CCNH: variants seen among roughly 807,000 people sequenced by gnomAD.
CCNH encodes the protein cyclin H, also known as cyclin-H.
A neutral mutation model predicts 41.9 loss-of-function variants in CCNH; 31 were observed. The observed-to-expected ratio is 0.74, with a 90% CI of 0.56 to 1.00. The LOEUF (loss-of-function observed/expected upper bound fraction) is 1.00. Ranked by LOEUF, CCNH falls within the 50% of genes least tolerant of loss-of-function variation. CCNH has a pLI of 0.00. For missense variants in CCNH, 362 were observed against 388.4 expected (o/e 0.93, Z 0.57); for synonymous variants, 138 against 136.1 (o/e 1.01, Z -0.10).
chr5:87,337,373 C>T (rs1307997355), intron 9 of CCNH, among the ~76,000 whole-genome samples: 3 of 151,966 alleles, frequency 2.0e-5, no homozygotes, highest in Non-Finnish European at 4.4e-5. Flanking sequence ...TTGGTACCTA[C>T]CACTTTCAGA....
At chr5:87,325,475 G>A (rs1008741315) in intron 9 of CCNH, among the ~76,000 whole-genome samples, 3 of 152,316 alleles carry the variant, frequency 2.0e-5, no homozygotes, top group Admixed American at 2.0e-4. Flanking sequence ...AGACACAAGC[G>A]TGTGTAACAA....
At chr5:87,410,351 T>G (rs942034490) in intron 2 of CCNH, among the ~76,000 whole-genome samples, 2 of 152,128 alleles carry the variant, frequency 1.3e-5, no homozygotes, top group Non-Finnish European at 2.9e-5. Context: ...AATCTGAAGA[T>G]ATAAACTAAT....
At chr5:87,366,388 G>GA (rs751407670) in intron 9 of CCNH, 1 of 428,214 alleles carries the variant, frequency 2.3e-6, no homozygotes, top group South Asian at 1.7e-5. Flanking sequence ...ACAATCAAAA[G>GA]AAAGGTCCAC....
chr5:87,411,412 TTCTC>T, intron 1 of CCNH, 66 bp from the exon 2 acceptor site: 3 of 1,484,716 alleles, frequency 2.0e-6, no homozygotes, highest in Non-Finnish European at 2.7e-6. Context: ...TAAAACATTT[TTCTC>T]TATCTAGATT....
In CCNH at chr5:87,412,592, G is replaced by GA; in HGVS notation, c.117+85dup. 3 of 1,543,990 alleles carry GA rather than the reference G, an allele frequency of 1.9e-6. No individual in the cohort carries two copies. In the South Asian group the frequency reaches 3.6e-5, roughly 19 times the overall value. On this transcript the variant is annotated intron_variant, in intron 1 of 8. Transcript: ENST00000256897. ...CGCAGAGGCAGAGAAACGACGGAGC[G>GA]AGATTGTCCTGGGAGCCAGAAGAGC... is the stretch of plus-strand genomic sequence containing the variant.
downstream of CCNH, chr5:87,392,554 A>ATGAT (rs1338849907): frequency 1.5e-5 from 5 of 343,972 alleles, no homozygotes; most frequent in African/African-American, 8.6e-5. Context: ...CCTTGGTTAC[A>ATGAT]TGATAGAAGA....
chr5:87,363,085 T>C (rs1232683847), intron 9 of CCNH, among the ~76,000 whole-genome samples: 1 of 151,996 alleles, frequency 6.6e-6, no homozygotes, highest in Non-Finnish European at 1.5e-5. Context: ...ACAAGAATTC[T>C]GACAATTTCA....
At chr5:87,385,081 T>C (rs1414097177) in intron 9 of CCNH, among the ~76,000 whole-genome samples, 1 of 152,152 alleles carries the variant, frequency 6.6e-6, no homozygotes, top group South Asian at 2.1e-4. Context: ...CTAGAAGCAC[T>C]GATAAGCATA....
At chr5:87,312,560 C>A in the CCNH span, among the ~76,000 whole-genome samples, 1 of 152,172 alleles carries the variant, frequency 6.6e-6, no homozygotes, top group Non-Finnish European at 1.5e-5. Context: ...TTTTAAACAT[C>A]TGAACGGGCC....
rs753302898 is a variant in CCNH at position 87,408,135 on chromosome 5, A to G, written c.366T>C (p.Ser122=). The G allele has an allele frequency of 2.5e-6, 4 of 1,612,996 alleles. No homozygotes were observed. In the Admixed American group the frequency reaches 6.7e-5, roughly 27 times the overall value. Residue 122 remains serine (S), a synonymous_variant, in exon 4 of 9, where the codon AGT becomes AGC. Coordinates refer to ENST00000256897, the MANE Select transcript of CCNH (RefSeq NM_001239.4). ...ACKVDEFNVS[S]PQFVGNLRES... ...CCCGGAGGTTTCCAACAAACTGAGG[A>G]CTAGATACATTGAATTCATCTACTT... is the stretch of plus-strand genomic sequence containing the variant.
chr5:87,364,808 A>G (rs1580359400), intron 9 of CCNH, among the ~76,000 whole-genome samples: 1 of 152,144 alleles, frequency 6.6e-6, no homozygotes, highest in East Asian at 1.9e-4. Context: ...TCTTGAAAAC[A>G]TTCTGTTGAG....
chr5:87,326,084 A>G (rs1419465241), intron 9 of CCNH, among the ~76,000 whole-genome samples: 1 of 151,802 alleles, frequency 6.6e-6, no homozygotes, highest in Non-Finnish European at 1.5e-5. Context: ...CTATCCTCCC[A>G]TCTCAGCCTC....
downstream of CCNH, chr5:87,375,025 G>A: frequency 7.4e-7 from 1 of 1,357,052 alleles, no homozygotes; most frequent in Non-Finnish European, 9.8e-7. Flanking sequence ...AATGCAAGTA[G>A]TATAATTTGA....
At chr5:87,331,267 C>G (rs772984768) in intron 9 of CCNH, 2 of 1,380,294 alleles carry the variant, frequency 1.4e-6, no homozygotes, top group Non-Finnish European at 2.1e-6. Context: ...TTTAAAACCT[C>G]TAGTAGTATG....
Position 87,394,394 on chromosome 5 carries a change from A to AAAG in CCNH, c.*51_*52insCTT. The AAAG allele has an allele frequency of 1.9e-6, 3 of 1,586,300 alleles. No homozygotes were observed. Among genetic ancestry groups the AAAG allele is most frequent in the Non-Finnish European group, 2.6e-6 (3 of 1,165,884 alleles). Reference sequence around the variant, plus strand: ...TTTTAAATAAAGTTAAACGTTTGATATGCTTCCTACTTCTCTTGATTAGTT... The same window carrying AAAG: ...TTTTAAATAAAGTTAAACGTTTGATAAAGTGCTTCCTACTTCTCTTGATTAGTT... On this transcript the variant is annotated 3_prime_UTR_variant, in exon 9 of 9. Coordinates refer to ENST00000256897, the MANE Select transcript of CCNH (RefSeq NM_001239.4).
intron 9 of CCNH, among the ~76,000 whole-genome samples, chr5:87,369,375 AATG>A (rs1411831336): frequency 1.3e-5 from 2 of 152,134 alleles, no homozygotes; most frequent in African/African-American, 4.8e-5. Flanking sequence ...GGTGAAGAAA[AATG>A]ATCAGTTTAG....
At chr5:87,316,944 G>A (rs1262292976), downstream of CCNH, among the ~76,000 whole-genome samples, 2 of 151,518 alleles carry the variant, frequency 1.3e-5, no homozygotes, top group Non-Finnish European at 2.9e-5. Flanking sequence ...GTGCAGTGGC[G>A]AAATCTCGGC....
intron 9 of CCNH, among the ~76,000 whole-genome samples, chr5:87,360,402 G>C (rs958542107): frequency 1.3e-5 from 2 of 152,134 alleles, no homozygotes; most frequent in Non-Finnish European, 2.9e-5. Flanking sequence ...GGGATTAAAG[G>C]CGTGAGCAAA....
intron 9 of CCNH, among the ~76,000 whole-genome samples, chr5:87,336,150 C>T (rs1403260834): frequency 6.6e-6 from 1 of 152,078 alleles, no homozygotes; most frequent in African/African-American, 2.4e-5. Context: ...TTAAGCCAGG[C>T]ATTAAGAGAT....
Sources: gnomAD v4.1 joint callset for allele counts (sites outside exome capture counted in the v4.1 genomes callset) on GRCh38, gnomAD v4.1.1 for gene constraint, MANE v1.5 for transcripts, NCBI Gene and HGNC (gene_info 2026-07-23, HGNC 2026-07-21) for gene names.